The following RAB11FIP4 variants were observed in gnomAD, a reference collection of about 807,000 sequenced individuals.
The protein encoded by RAB11FIP4 is RAB11 family interacting protein 4.
RAB11FIP4 carries 23 observed loss-of-function variants against 74.3 expected under a neutral mutation model. The observed-to-expected ratio is 0.31, with a 90% CI of 0.22 to 0.44. The LOEUF is 0.44. RAB11FIP4 is among the 20% of genes least tolerant of loss of function. The pLI is 1.00. For missense variants in RAB11FIP4, 630 were observed against 863.9 expected, an observed-to-expected ratio of 0.73 and a Z score of 3.39; for synonymous variants, 360 against 359.9, an observed-to-expected ratio of 1.00 and a Z score of 0.00.
At chr17:31,408,603 AT>A (rs1387592837) in intron 1 of RAB11FIP4, among the ~76,000 whole-genome samples, 10 of 152,138 alleles carry the variant, frequency 6.6e-5, no homozygotes, top group African/African-American at 2.4e-4. Context: ...ATGACTTTGC[AT>A]TTCCTAGGTA....
intron 3 of RAB11FIP4, among the ~76,000 whole-genome samples, chr17:31,440,537 G>C (rs2071398113): frequency 6.6e-6 from 1 of 152,236 alleles, no homozygotes; most frequent in Non-Finnish European, 1.5e-5. Flanking sequence ...GGGAGGCCAA[G>C]GCAGGTGGAT....
At position 31,531,754 on chromosome 17, in the gene RAB11FIP4, C is replaced by T. The variant is rs780854756; in HGVS notation, c.*22C>T. On this transcript the variant is annotated 3_prime_UTR_variant, in exon 15 of 15. Transcript: ENST00000621161. ...CTAAGGCACGGGGCTGGCTGCAGAG[C>T]AGCCTTAGGACCCTGGGACCAAGGG... 6.5e-7 allele frequency: 1 copy of T among 1,537,808 alleles called. No individual in the cohort carries two copies. Among genetic ancestry groups the T allele is most frequent in the South Asian group, 1.1e-5 (1 of 89,600 alleles).
Position 31,536,678 on chromosome 17 carries a change from C to T in RAB11FIP4, c.*4946C>T, listed in dbSNP as rs2142845072. 7.4e-6 allele frequency: 2 copies of T among 272,022 alleles called. No homozygotes were observed. The highest frequency in any genetic ancestry group is 6.1e-5 in the East Asian group (1 of 16,272). 16.9% of individuals were successfully genotyped at this position (272,022 alleles called of 1,614,324 possible). Reference sequence around the variant, plus strand: ...TTGAGCGCTGATCCTAGGGACCTGCCAGGTCCTCACTTCCTGCCCTGGGTG... The same window carrying T: ...TTGAGCGCTGATCCTAGGGACCTGCTAGGTCCTCACTTCCTGCCCTGGGTG... On this transcript the variant is annotated 3_prime_UTR_variant, in exon 15 of 15. Transcript: ENST00000621161.
chr17:31,498,627 T>C (rs1457548762), intron 3 of RAB11FIP4, among the ~76,000 whole-genome samples: 1 of 152,168 alleles, frequency 6.6e-6, no homozygotes, highest in Non-Finnish European at 1.5e-5. Flanking sequence ...GCCTGAGGGT[T>C]CTGTGGCAGA....
intron 3 of RAB11FIP4, among the ~76,000 whole-genome samples, chr17:31,501,581 T>C (rs1191095771): frequency 6.6e-6 from 1 of 152,096 alleles, no homozygotes; most frequent in Admixed American, 6.5e-5. Flanking sequence ...CAGGATGGAG[T>C]GCAGTGGCGC....
At chr17:31,492,408 A>G (rs1262369854) in intron 3 of RAB11FIP4, among the ~76,000 whole-genome samples, 1 of 152,036 alleles carries the variant, frequency 6.6e-6, no homozygotes, top group Non-Finnish European at 1.5e-5. Context: ...CCCCCCTGCT[A>G]TGGGGTGGCT....
Position 31,523,612 on chromosome 17 carries a change from G to C in RAB11FIP4, c.1029+1G>C. 1 of 1,613,598 alleles carries C rather than the reference G, an allele frequency of 6.2e-7. No individual in the cohort carries two copies. Among genetic ancestry groups the C allele is most frequent in the Non-Finnish European group, 8.5e-7 (1 of 1,179,508 alleles). ...TTGCGACAATGACATCACAGAGAAG[G>C]TGGGCCTTGGGTGGCTGGAGAAGGG... On this transcript the variant is annotated splice_donor_variant, in intron 8 of 14. Transcript: ENST00000621161. LOFTEE classifies it high-confidence loss of function.
chr17:31,518,258 T>A (rs1395752575), intron 4 of RAB11FIP4, among the ~76,000 whole-genome samples: 2 of 150,076 alleles, frequency 1.3e-5, no homozygotes, highest in Non-Finnish European at 2.9e-5. Context: ...TTTGGGAGGC[T>A]GAGGCAGGAG....
intron 1 of RAB11FIP4, among the ~76,000 whole-genome samples, chr17:31,398,501 C>G (rs925917998): frequency 6.6e-6 from 1 of 152,160 alleles, no homozygotes; most frequent in East Asian, 1.9e-4. Context: ...ATTGGTGAGA[C>G]CTGAATGGGG....
At chr17:31,530,571 G>GTTTT in intron 14 of RAB11FIP4, 102 bp downstream of exon 14, 1 of 1,452,024 alleles carries the variant, frequency 6.9e-7, no homozygotes, top group Non-Finnish European at 9.4e-7. Context: ...CCAGGGCCTG[G>GTTTT]CAGAGAGTCC....
intron 1 of RAB11FIP4, among the ~76,000 whole-genome samples, chr17:31,416,836 G>A (rs1243153284): frequency 1.3e-5 from 2 of 152,164 alleles, no homozygotes; most frequent in Non-Finnish European, 2.9e-5. Context: ...TGGGAGTGAT[G>A]CACTTGAGTG....
chr17:31,410,889 A>G lies in RAB11FIP4; in HGVS notation c.159+18878A>G, dbSNP rs371511547. 2.6e-5 allele frequency among the ~76,000 whole-genome samples: 4 copies of G among 152,314 alleles called. No homozygotes were observed. In the East Asian group the frequency reaches 5.8e-4, roughly 22 times the overall value. ...ATCTGGATTCCCCTCTCAGGGTCTCATCATCAGAATCTCCAGGGGAGGCCC... is the reference window on the plus strand; with the variant it reads ...ATCTGGATTCCCCTCTCAGGGTCTCGTCATCAGAATCTCCAGGGGAGGCCC... On this transcript the variant is annotated intron_variant, in intron 1 of 14. Transcript: ENST00000621161.
At chr17:31,393,634 C>T (rs892784986) in intron 1 of RAB11FIP4, among the ~76,000 whole-genome samples, 11 of 152,328 alleles carry the variant, frequency 7.2e-5, no homozygotes, top group Admixed American at 6.5e-5. Flanking sequence ...CCGTTCTGCA[C>T]GGGGACTCAC....
intron 1 of RAB11FIP4, among the ~76,000 whole-genome samples, chr17:31,419,641 C>A (rs1294024269): frequency 6.6e-6 from 1 of 151,426 alleles, no homozygotes; most frequent in Non-Finnish European, 1.5e-5. Context: ...AGCTCCGCCT[C>A]CCGGGTTCAC....
In RAB11FIP4 at chr17:31,487,660, G is replaced by C. The variant is rs959197896; in HGVS notation, c.337-29991G>C. Among the ~76,000 whole-genome samples, 2 of 151,994 alleles carry C rather than the reference G, an allele frequency of 1.3e-5. 1 individual carries two copies. The highest frequency in any genetic ancestry group is 4.1e-4 in the South Asian group (2 of 4,830). The stretch of plus-strand genomic sequence containing the variant: ...CCGTGTGGGGCGGGGTGCGCAGTGT[G>C]AGCCGGGGAGCGCCGGCCGGAATCT... On this transcript the variant is annotated intron_variant, in intron 3 of 14. Transcript: ENST00000621161.
intron 3 of RAB11FIP4, among the ~76,000 whole-genome samples, chr17:31,458,201 G>A (rs1057116115): frequency 6.6e-6 from 1 of 152,184 alleles, no homozygotes; most frequent in African/African-American, 2.4e-5. Context: ...TGCGGGCTGA[G>A]TCCACCTTTC....
At chr17:31,446,207 A>C (rs1278455501) in intron 3 of RAB11FIP4, among the ~76,000 whole-genome samples, 2 of 151,878 alleles carry the variant, frequency 1.3e-5, no homozygotes, top group African/African-American at 2.4e-5. Context: ...CCAGGAGGGG[A>C]GTTCTACTGT....
intron 3 of RAB11FIP4, chr17:31,465,975 A>AC (rs1567665214): frequency 8.6e-5 from 3 of 35,070 alleles, no homozygotes; most frequent in African/African-American, 2.7e-4. Context: ...TCTGCTAAAA[A>AC]TTAAAAAAAA....
intron 1 of RAB11FIP4, among the ~76,000 whole-genome samples, chr17:31,415,089 C>T (rs2071134561): frequency 6.6e-6 from 1 of 152,236 alleles, no homozygotes; most frequent in East Asian, 1.9e-4. Context: ...CCCAGAGCCC[C>T]CTGCAGATGT....
Sources: allele counts gnomAD v4.1 joint callset (sites outside exome capture counted in the v4.1 genomes callset), GRCh38; gene constraint gnomAD v4.1.1; transcripts MANE v1.5; gene names NCBI Gene and HGNC (gene_info 2026-07-23, HGNC 2026-07-21).